MEF2C: variants seen among roughly 807,000 people sequenced by gnomAD.
MEF2C encodes myocyte-specific enhancer factor 2C.
In MEF2C, 6 loss-of-function variants were observed where a neutral mutation model predicts 50.5. The observed-to-expected ratio is 0.12, with a 90% confidence interval of 0.07 to 0.23. The LOEUF (loss-of-function observed/expected upper bound fraction) is 0.23. Ranked by LOEUF, MEF2C falls within the 10% of genes least tolerant of loss-of-function variation. The probability of loss-of-function intolerance (pLI) is 1.00; values close to 1 mark genes in which losing one functional copy is unlikely to be tolerated. For synonymous variants in MEF2C, 183 were observed against 228.0 expected (o/e 0.80, Z 1.78); for missense variants, 276 against 605.0 (o/e 0.46, Z 5.70).
At chr5:88,873,725 T>G (rs962387077) in intron 1 of MEF2C, among the ~76,000 whole-genome samples, 5 of 122,326 alleles carry the variant, frequency 4.1e-5, no homozygotes, top group Non-Finnish European at 7.7e-5. Context: ...TTTTTTTTTT[T>G]TTTTTTTTTT....
intron 1 of MEF2C, among the ~76,000 whole-genome samples, chr5:88,842,344 G>GAAAGAAA (rs771836119): frequency 2.0e-4 from 30 of 151,660 alleles, no homozygotes; most frequent in African/African-American, 7.0e-4. Context: ...TAGCTTTACT[G>GAAAGAAA]AAAGAAAAAA....
At chr5:88,744,562 A>AG (rs1464843444) in intron 6 of MEF2C, among the ~76,000 whole-genome samples, 1 of 152,180 alleles carries the variant, frequency 6.6e-6, no homozygotes, top group African/African-American at 2.4e-5. Context: ...CAAAAAAAAA[A>AG]GTTTTATAGA....
chr5:88,808,415 T>C lies in MEF2C; in HGVS notation c.55-3614A>G, dbSNP rs546142204. On this transcript the variant is annotated intron_variant, in intron 2 of 10. Coordinates refer to ENST00000504921, the MANE Select transcript of MEF2C (RefSeq NM_002397.5). ...CACGTTACAACACTCATAATCAAAG[T>C]ACATTTCAGTACAGAAATATCATTA... Among the ~76,000 whole-genome samples the C allele has an allele frequency of 9.2e-5, 14 of 152,284 alleles. No homozygotes were observed. The South Asian group carries it at 2.5e-3, about 27-fold the overall frequency.
chr5:88,843,209 CTT>C (rs11417217), intron 1 of MEF2C: 1,011 of 362,868 alleles, frequency 2.8e-3, no homozygotes, highest in Non-Finnish European at 3.3e-3. Context: ...ATTTTGCTTG[CTT>C]TTTTTTTTTT....
chr5:88,775,878 A>C, intron 3 of MEF2C: 9 of 891,790 alleles, frequency 1.0e-5, no homozygotes, highest in Non-Finnish European at 1.1e-5. Context: ...TTTTTATCTC[A>C]TTTTGTTCCA....
chr5:88,734,765 C>G, intron 6 of MEF2C: 2 of 981,378 alleles, frequency 2.0e-6, no homozygotes, highest in Non-Finnish European at 2.4e-6. Flanking sequence ...ATTTTAAAAG[C>G]CTTCTATTTT....
chr5:88,816,018 A>G, intron 2 of MEF2C, among the ~76,000 whole-genome samples: 1 of 152,082 alleles, frequency 6.6e-6, no homozygotes, highest in East Asian at 1.9e-4. Context: ...GAGATACAAT[A>G]AATAAAAGCA....
intron 4 of MEF2C, among the ~76,000 whole-genome samples, chr5:88,753,629 G>T (rs1040587950): frequency 2.0e-5 from 3 of 152,186 alleles, no homozygotes; most frequent in Admixed American, 6.5e-5. Flanking sequence ...GAGCGCAGGT[G>T]ATCCGCCCAC....
At chr5:88,808,075 T>G (rs558823816) in intron 2 of MEF2C, among the ~76,000 whole-genome samples, 10 of 152,292 alleles carry the variant, frequency 6.6e-5, no homozygotes, top group East Asian at 5.8e-4. Context: ...TGCAGATGAG[T>G]CATAATTGAT....
At chr5:88,772,851 A>G (rs943819498) in intron 3 of MEF2C, 11 of 985,308 alleles carry the variant, frequency 1.1e-5, no homozygotes, top group African/African-American at 3.5e-5. Context: ...CTTATAGTCT[A>G]TCTCCCCAGT....
At chr5:88,758,315 C>G (rs540055618) in intron 4 of MEF2C, among the ~76,000 whole-genome samples, 1 of 152,224 alleles carries the variant, frequency 6.6e-6, no homozygotes, top group African/African-American at 2.4e-5. Flanking sequence ...AGCCCCTTTC[C>G]TAACTTCTGC....
At chr5:88,779,161 A>G (rs1006049491) in intron 3 of MEF2C, among the ~76,000 whole-genome samples, 3 of 152,238 alleles carry the variant, frequency 2.0e-5, no homozygotes, top group Non-Finnish European at 2.9e-5. Flanking sequence ...AATATTAACC[A>G]CATATTAACC....
intron 3 of MEF2C, among the ~76,000 whole-genome samples, chr5:88,799,294 T>C (rs1797300593): frequency 1.3e-5 from 2 of 152,170 alleles, no homozygotes; most frequent in South Asian, 2.1e-4. Context: ...GAGTTTTATC[T>C]ATAAGCCCCT....
chr5:88,733,643 A>T, intron 6 of MEF2C: 1 of 985,380 alleles, frequency 1.0e-6, no homozygotes, highest in Non-Finnish European at 1.2e-6. Context: ...CACTGTATAA[A>T]GCAGATTTGT....
At chr5:88,847,715 A>T (rs986655708) in intron 1 of MEF2C, among the ~76,000 whole-genome samples, 3 of 151,854 alleles carry the variant, frequency 2.0e-5, no homozygotes, top group African/African-American at 4.8e-5. Flanking sequence ...AACACATGTT[A>T]AAAAAAAGGG....
chr5:88,901,749 A>G (rs540027270), intron 1 of MEF2C, among the ~76,000 whole-genome samples: 1 of 152,012 alleles, frequency 6.6e-6, no homozygotes, highest in Non-Finnish European at 1.5e-5. Flanking sequence ...TTGAAGATTT[A>G]TTAGAAAGGA....
At chr5:88,769,936 G>A (rs1413106849) in intron 3 of MEF2C, 1 of 982,982 alleles carries the variant, frequency 1.0e-6, no homozygotes, top group Non-Finnish European at 1.2e-6. Flanking sequence ...ATGGGCCACT[G>A]TGTCCAGCCT....
chr5:88,897,528 C>G (rs1835238298), intron 1 of MEF2C, among the ~76,000 whole-genome samples: 1 of 152,144 alleles, frequency 6.6e-6, no homozygotes, highest in African/African-American at 2.4e-5. Context: ...GAATGACTGT[C>G]CTGAAGAGTT....
At chr5:88,725,848 T>G (rs373527534) in intron 10 of MEF2C, among the ~76,000 whole-genome samples, 3 of 152,168 alleles carry the variant, frequency 2.0e-5, no homozygotes, top group Non-Finnish European at 4.4e-5. Flanking sequence ...ATCAACAAAG[T>G]TGACGTATGG....
Sources: gnomAD v4.1 joint callset for allele counts (sites outside exome capture counted in the v4.1 genomes callset) on GRCh38, gnomAD v4.1.1 for gene constraint, MANE v1.5 for transcripts, NCBI Gene and HGNC (gene_info 2026-07-23, HGNC 2026-07-21) for gene names.